The following LHFPL6 variants were observed in gnomAD, a reference collection of about 807,000 sequenced individuals.
LHFPL6 encodes the protein LHFPL tetraspan subfamily member 6 protein.
In LHFPL6, 9 loss-of-function variants were observed where a neutral mutation model predicts 20.6. The ratio of observed to expected loss-of-function variants is 0.44; its 90% CI spans 0.26 to 0.76. The LOEUF is 0.76. Ranked by LOEUF, LHFPL6 falls within the 30% of genes least tolerant of loss-of-function variation. The probability of loss-of-function intolerance (pLI) is 0.20; values close to 1 mark genes in which losing one functional copy is unlikely to be tolerated. For synonymous variants in LHFPL6, 105 were observed against 98.7 expected, an observed-to-expected ratio of 1.06 and a Z score of -0.38; for missense variants, 218 against 253.5, an observed-to-expected ratio of 0.86 and a Z score of 0.95.
intron 2 of LHFPL6, among the ~76,000 whole-genome samples, chr13:39,398,019 A>G (rs763656850): frequency 2.6e-5 from 4 of 152,190 alleles, no homozygotes; most frequent in Non-Finnish European, 4.4e-5. Flanking sequence ...GCAGCATCTC[A>G]GCCAAACTTT....
At chr13:39,496,984 A>G (rs1869122465) in intron 2 of LHFPL6, among the ~76,000 whole-genome samples, 1 of 152,216 alleles carries the variant, frequency 6.6e-6, no homozygotes, top group Non-Finnish European at 1.5e-5. Flanking sequence ...GCAATCAAAA[A>G]TGCAGAAGCT....
intron 3 of LHFPL6, among the ~76,000 whole-genome samples, chr13:39,352,908 A>AAGGTATATAT (rs1869616207): frequency 3.2e-5 from 1 of 31,656 alleles, no homozygotes; most frequent in African/African-American, 9.8e-5. Context: ...TATATATATA[A>AAGGTATATAT]ATGTATATAT....
chr13:39,594,938 A>T (rs1872721973), intron 2 of LHFPL6, among the ~76,000 whole-genome samples: 1 of 152,078 alleles, frequency 6.6e-6, no homozygotes, highest in South Asian at 2.1e-4. Context: ...GGACACAGGA[A>T]GGGGAACATC....
chr13:39,493,914 C>A (rs1047586766), intron 2 of LHFPL6, among the ~76,000 whole-genome samples: 3 of 152,158 alleles, frequency 2.0e-5, no homozygotes, highest in South Asian at 2.1e-4. Context: ...GATTTCTAAG[C>A]AAAGAAACAC....
intron 2 of LHFPL6, among the ~76,000 whole-genome samples, chr13:39,403,078 T>G (rs1871032472): frequency 6.6e-6 from 1 of 152,236 alleles, no homozygotes; most frequent in Non-Finnish European, 1.5e-5. Flanking sequence ...ACAAGATAAT[T>G]TAATACTTGT....
rs1449708612 is a variant in LHFPL6, at chr13:39,343,640, T to C, written c.*296A>G. 5 of 313,460 alleles carry C rather than the reference T, an allele frequency of 1.6e-5. No homozygotes were observed. In the East Asian group the frequency reaches 2.5e-4, roughly 16 times the overall value. The allele number at this position is 313,460 out of a possible 1,614,324, so 19.4% of individuals were successfully genotyped here. A position where few individuals can be genotyped will look rare whatever the true frequency, so the allele number is the denominator to read the frequency against. ...GTGTGTGTGTGTGTGTGTGTGTGTG[T>C]GTGTGTGTGTTGTACATTAACAATA... On this transcript the variant is annotated 3_prime_UTR_variant, in exon 4 of 4. Transcript: ENST00000379589.
intron 2 of LHFPL6, among the ~76,000 whole-genome samples, chr13:39,486,665 T>A (rs1418218404): frequency 6.6e-6 from 1 of 152,202 alleles, no homozygotes; most frequent in African/African-American, 2.4e-5. Context: ...CATTGCAACC[T>A]GTCATTACAA....
At chr13:39,562,391 T>TATATACACATATAC (rs1566141922) in intron 2 of LHFPL6, among the ~76,000 whole-genome samples, 1 of 42,984 alleles carries the variant, frequency 2.3e-5, no homozygotes, top group African/African-American at 7.1e-5. Flanking sequence ...TACATATACA[T>TATATACACATATAC]ATATATACAT....
At chr13:39,567,855 G>A (rs776606701) in intron 2 of LHFPL6, among the ~76,000 whole-genome samples, 1 of 152,210 alleles carries the variant, frequency 6.6e-6, no homozygotes, top group African/African-American at 2.4e-5. Context: ...AGTGTCTACT[G>A]CTGCTTTCCC....
chr13:39,536,717 T>A (rs1191791683), intron 2 of LHFPL6, among the ~76,000 whole-genome samples: 1 of 152,230 alleles, frequency 6.6e-6, no homozygotes, highest in African/African-American at 2.4e-5. Flanking sequence ...CTCACCCAAA[T>A]GTCTTGCACA....
intron 2 of LHFPL6, among the ~76,000 whole-genome samples, chr13:39,381,753 C>T (rs1479165615): frequency 2.0e-5 from 3 of 151,318 alleles, no homozygotes; most frequent in African/African-American, 7.3e-5. Context: ...ATTCACAAAT[C>T]AGGCAGCCTT....
chr13:39,379,564 T>C (rs965430609), intron 2 of LHFPL6, among the ~76,000 whole-genome samples: 1 of 152,186 alleles, frequency 6.6e-6, no homozygotes, highest in African/African-American at 2.4e-5. Context: ...CTTCAATATT[T>C]CTGCACCAAG....
intron 2 of LHFPL6, among the ~76,000 whole-genome samples, chr13:39,597,367 T>C (rs1872801530): frequency 6.6e-6 from 1 of 152,240 alleles, no homozygotes; most frequent in South Asian, 2.1e-4. Flanking sequence ...TTGCAGGGCA[T>C]GTAAATCTTA....
chr13:39,492,538 A>G (rs1045315653), intron 2 of LHFPL6, among the ~76,000 whole-genome samples: 1 of 152,226 alleles, frequency 6.6e-6, no homozygotes, highest in Admixed American at 6.5e-5. Flanking sequence ...CAGTTTTTAA[A>G]TCAAAGACAT....
intron 3 of LHFPL6, among the ~76,000 whole-genome samples, chr13:39,368,743 T>C (rs1434409032): frequency 6.6e-6 from 1 of 152,136 alleles, no homozygotes; most frequent in African/African-American, 2.4e-5. Context: ...ATGACTGCAA[T>C]GAATAATCAA....
chr13:39,546,077 C>G (rs1870973673), intron 2 of LHFPL6, among the ~76,000 whole-genome samples: 1 of 152,000 alleles, frequency 6.6e-6, no homozygotes, highest in Non-Finnish European at 1.5e-5. Flanking sequence ...TAAAGTTTGG[C>G]AAGCTTTAAA....
At chr13:39,461,539 AC>A (rs1566116781) in intron 2 of LHFPL6, among the ~76,000 whole-genome samples, 1 of 152,180 alleles carries the variant, frequency 6.6e-6, no homozygotes, top group Non-Finnish European at 1.5e-5. Context: ...CAGTCCACAG[AC>A]AAACCGGAGA....
chr13:39,493,368 G>C (rs181196269), intron 2 of LHFPL6, among the ~76,000 whole-genome samples: 1 of 151,030 alleles, frequency 6.6e-6, no homozygotes, highest in East Asian at 1.9e-4. Context: ...TCCTCAATGG[G>C]CACCAAAGCA....
chr13:39,537,918 G>A (rs772756121), intron 2 of LHFPL6, among the ~76,000 whole-genome samples: 8 of 151,884 alleles, frequency 5.3e-5, no homozygotes, highest in South Asian at 2.1e-4. Context: ...AGAAATCAAC[G>A]TCAGGTGGCT....
Sources: gnomAD v4.1 joint callset for allele counts (sites outside exome capture counted in the v4.1 genomes callset) on GRCh38, gnomAD v4.1.1 for gene constraint, MANE v1.5 for transcripts, NCBI Gene and HGNC (gene_info 2026-07-23, HGNC 2026-07-21) for gene names.